DNAH9: variants seen among roughly 807,000 people sequenced by gnomAD.
The protein encoded by DNAH9 is dynein axonemal heavy chain 9.
Under a neutral mutation model 471.6 loss-of-function variants are expected in DNAH9, and 345 were observed. That is an observed-to-expected ratio of 0.73 (90% confidence interval 0.67 to 0.80). DNAH9 has a LOEUF of 0.80. Ranked by LOEUF, DNAH9 falls within the 30% of genes least tolerant of loss-of-function variation. The pLI is 0.00. For missense variants in DNAH9, 5,407 were observed against 5,609.2 expected (o/e 0.96, Z 1.15); for synonymous variants, 2,093 against 2,123.6 (o/e 0.99, Z 0.40).
rs774391770 is a variant in DNAH9 at position 11,690,278 on chromosome 17, A to C, written c.4456A>C (p.Lys1486Gln). 6.2e-7 allele frequency: 1 copy of C among 1,614,078 alleles called. No individual in the cohort carries two copies. The highest frequency in any genetic ancestry group is 1.3e-5 in the African/African-American group (1 of 74,922). ...QVQLQNLVMS[K>Q]YVAFFLEEVS... is the part of the protein sequence containing the mutation. Reference sequence around the variant, plus strand: ...TCAACTTCAGAACCTGGTGATGTCCAAGTATGTTGCTTTCTTCTTGGAGGA... The same window carrying C: ...TCAACTTCAGAACCTGGTGATGTCCCAGTATGTTGCTTTCTTCTTGGAGGA... Residue 1486 changes from lysine to glutamine, a missense_variant, in exon 20 of 69, where the codon AAG becomes CAG. Transcript: ENST00000262442.
chr17:11,934,007 G>C lies in DNAH9; in HGVS notation c.12425G>C (p.Gly4142Ala). Reference protein sequence around the residue: ...GEFIRPEMLEGELSLAPGFPL... With the variant: ...GEFIRPEMLEAELSLAPGFPL... ...TTCATTCGACCAGAAATGTTAGAAGGAGAACTGTCTTTGGCCCCAGGGTTC... is the reference window on the plus strand; with the variant it reads ...TTCATTCGACCAGAAATGTTAGAAGCAGAACTGTCTTTGGCCCCAGGGTTC... Residue 4142 changes from glycine to alanine, a missense_variant, in exon 65 of 69, where the codon GGA (glycine) becomes GCA (alanine). Transcript: ENST00000262442. 6.2e-7 allele frequency: 1 copy of C among 1,614,096 alleles called. No individual in the cohort carries two copies. Among genetic ancestry groups the C allele is most frequent in the Non-Finnish European group, 8.5e-7 (1 of 1,179,946 alleles).
chr17:11,630,163 G>A (rs9902876), intron 7 of DNAH9: 3,861 of 152,800 alleles, frequency 0.025, 113 homozygotes, highest in South Asian at 0.097. Context: ...GGCCAGGTGC[G>A]GTGGCTCACG....
chr17:11,847,804 A>G (rs538214724), intron 49 of DNAH9, among the ~76,000 whole-genome samples: 7 of 152,222 alleles, frequency 4.6e-5, no homozygotes, highest in African/African-American at 1.4e-4. Context: ...GAATTATATC[A>G]ATGGACTGCC....
At chr17:11,782,926 A>G (rs540182609) in intron 39 of DNAH9, among the ~76,000 whole-genome samples, 19 of 152,296 alleles carry the variant, frequency 1.2e-4, no homozygotes, top group African/African-American at 4.3e-4. Flanking sequence ...ATAAACTTGC[A>G]TAAATTTATT....
In DNAH9 at chr17:11,933,923, A is replaced by G; in HGVS notation, c.12341A>G (p.Tyr4114Cys). The G allele has an allele frequency of 6.2e-7, 1 of 1,614,148 alleles. No homozygotes were observed. The highest frequency in any genetic ancestry group is 8.5e-7 in the Non-Finnish European group (1 of 1,180,024). The change falls in exon 65 of 69, where the codon TAT becomes TGT. Residue 4114 changes from tyrosine (Y) to cysteine (C), a missense_variant. Physicochemically the swap from Tyr to Cys is radical, Grantham distance 194. Transcript: ENST00000262442. ...CGCTACCTGTTTGGAGAGATCATGT[A>G]TGGAGGCCATATCACAGATGACTGG... is the stretch of plus-strand genomic sequence containing the variant. ...DLRYLFGEIM[Y>C]GGHITDDWDR...
intron 1 of DNAH9, among the ~76,000 whole-genome samples, chr17:11,606,953 C>T (rs2072522164): frequency 6.6e-6 from 1 of 152,136 alleles, no homozygotes; most frequent in African/African-American, 2.4e-5. Flanking sequence ...GACACTTTGG[C>T]CTGACTCTCA....
chr17:11,703,001 G>A (rs1471579152), intron 24 of DNAH9, among the ~76,000 whole-genome samples: 1 of 151,488 alleles, frequency 6.6e-6, no homozygotes, highest in Admixed American at 6.6e-5. Context: ...GCTGAGGCAG[G>A]AGAATGGCGT....
chr17:11,680,031 A>G (rs761788061), intron 18 of DNAH9, 52 bp downstream of exon 18: 1 of 1,460,602 alleles, frequency 6.8e-7, no homozygotes, highest in East Asian at 2.3e-5. Flanking sequence ...ACATTTTAGG[A>G]TTTCAGAATG....
At chr17:11,920,340 G>T (rs778545866) in intron 61 of DNAH9, among the ~76,000 whole-genome samples, 3 of 151,818 alleles carry the variant, frequency 2.0e-5, no homozygotes, top group Non-Finnish European at 4.4e-5. Flanking sequence ...TCAAGATGAG[G>T]TTGGGCACAG....
At chr17:11,942,539 A>G in intron 67 of DNAH9, 54 bp downstream of exon 67, 2 of 1,546,382 alleles carry the variant, frequency 1.3e-6, no homozygotes, top group Non-Finnish European at 1.8e-6. Context: ...ACACAGATGG[A>G]CCCCTATGGG....
intron 48 of DNAH9, among the ~76,000 whole-genome samples, chr17:11,832,019 C>T (rs1970702030): frequency 6.6e-6 from 1 of 152,234 alleles, no homozygotes; most frequent in African/African-American, 2.4e-5. Context: ...TCCCTCTCAA[C>T]CTTCCCATCC....
intron 41 of DNAH9, among the ~76,000 whole-genome samples, chr17:11,787,128 C>T (rs1968902293): frequency 6.6e-6 from 1 of 152,172 alleles, no homozygotes; most frequent in Non-Finnish European, 1.5e-5. Flanking sequence ...TTGGGTAGCC[C>T]ACCGGGCCAG....
In DNAH9 at chr17:11,757,747, G is replaced by C. The variant is rs996572506; in HGVS notation, c.6995+55G>C. On this transcript the variant is annotated intron_variant, in intron 35 of 68. Transcript: ENST00000262442. ...TTAAAGCAGCAATAAAAAGCCCATGGGTTCACACCTAGTGTCCTGCTGATG... is the reference window on the plus strand; with the variant it reads ...TTAAAGCAGCAATAAAAAGCCCATGCGTTCACACCTAGTGTCCTGCTGATG... 3.8e-6 allele frequency: 6 copies of C among 1,572,034 alleles called. No homozygotes were observed. In the African/African-American group the frequency reaches 8.1e-5, roughly 21 times the overall value.
intron 59 of DNAH9, among the ~76,000 whole-genome samples, chr17:11,901,464 G>A (rs143353197): frequency 0.038 from 5,850 of 152,284 alleles, 142 homozygotes; most frequent in Non-Finnish European, 0.062. Context: ...GGGAGGTCGA[G>A]GCGGGTGGAT....
Position 11,644,658 on chromosome 17 carries a change from A to G in DNAH9, c.1929A>G (p.Arg643=). 6.2e-7 allele frequency: 1 copy of G among 1,613,036 alleles called. No homozygotes were observed. The highest frequency in any genetic ancestry group is 2.2e-5 in the East Asian group (1 of 44,838). The change falls in exon 11 of 69, where the codon CGA becomes CGG. Residue 643 remains arginine, a synonymous_variant. Coordinates refer to ENST00000262442, the MANE Select transcript of DNAH9 (RefSeq NM_001372.4). ...HPCMESAEGK[R]MQQKYEDMLS... is the part of the protein sequence containing the mutation. ...GCATGGAATCTGCAGAAGGAAAGCG[A>G]ATGCAACAAAAATATGAAGATATGC...
chr17:11,738,973 A>T lies in DNAH9; in HGVS notation c.5908A>T (p.Ile1970Phe), dbSNP rs868321314. 2 of 1,614,158 alleles carry T rather than the reference A, an allele frequency of 1.2e-6. No homozygotes were observed. Among genetic ancestry groups the T allele is most frequent in the Admixed American group, 1.7e-5 (1 of 60,024 alleles). Residue 1970 changes from isoleucine (I) to phenylalanine (F), a missense_variant, in exon 29 of 69, where the codon ATC (isoleucine) becomes TTC (phenylalanine). By Grantham distance (21) the Ile-to-Phe change is conservative (BLOSUM62 0). Coordinates refer to ENST00000262442, the MANE Select transcript of DNAH9 (RefSeq NM_001372.4). ...CCTGAATCCTTCTGTCGGTATCTTC[A>T]TCACCATGAACCCAGGCTATGCTGG... is the stretch of plus-strand genomic sequence containing the variant. ...ISLNPSVGIF[I>F]TMNPGYAGRT...
At chr17:11,714,513 G>C (rs2074926645) in intron 26 of DNAH9, among the ~76,000 whole-genome samples, 2 of 152,112 alleles carry the variant, frequency 1.3e-5, no homozygotes, top group South Asian at 4.2e-4. Flanking sequence ...GAACCATGTG[G>C]TAGACAGAAT....
At chr17:11,770,070 C>G (rs1166518810) in intron 38 of DNAH9, among the ~76,000 whole-genome samples, 1 of 152,194 alleles carries the variant, frequency 6.6e-6, no homozygotes, top group African/African-American at 2.4e-5. Flanking sequence ...TTGTCCCACT[C>G]TGTTACTTGG....
chr17:11,784,787 C>T (rs1968803787), intron 41 of DNAH9, among the ~76,000 whole-genome samples: 1 of 151,956 alleles, frequency 6.6e-6, no homozygotes, highest in South Asian at 2.1e-4. Flanking sequence ...GAGTTGGTTC[C>T]CTGGGGGCTG....
Sources: allele counts gnomAD v4.1 joint callset (sites outside exome capture counted in the v4.1 genomes callset), GRCh38; gene constraint gnomAD v4.1.1; transcripts MANE v1.5; gene names NCBI Gene and HGNC (gene_info 2026-07-23, HGNC 2026-07-21).